Variants in XRCC4 observed in about 807,000 individuals in gnomAD.
XRCC4 encodes the protein X-ray repair cross complementing 4.
In XRCC4, 28 loss-of-function variants were observed where a neutral mutation model predicts 39.1. The ratio of observed to expected loss-of-function variants is 0.72; its 90% CI spans 0.53 to 0.98. XRCC4 has a LOEUF of 0.98. Among genes scored for constraint, XRCC4 ranks in the 50% least tolerant of loss-of-function variants. XRCC4 has a pLI of 0.00. For missense variants in XRCC4, 350 were observed against 376.4 expected, an observed-to-expected ratio of 0.93 and a Z score of 0.58; for synonymous variants, 123 against 126.4, an observed-to-expected ratio of 0.97 and a Z score of 0.18.
chr5:83,149,277 G>A (rs1441774489), intron 3 of XRCC4, among the ~76,000 whole-genome samples: 1 of 152,046 alleles, frequency 6.6e-6, no homozygotes, highest in Non-Finnish European at 1.5e-5. Context: ...TTTTTCTATA[G>A]AGTTACTAAG....
At chr5:83,096,176 C>T (rs74982947) in intron 1 of XRCC4, among the ~76,000 whole-genome samples, 3,299 of 152,054 alleles carry the variant, frequency 0.022, 59 homozygotes, top group Non-Finnish European at 0.035. Flanking sequence ...CCAGGGCTGC[C>T]GGACAGAAGT....
At chr5:83,238,062 C>T (rs1420831967) in intron 6 of XRCC4, among the ~76,000 whole-genome samples, 1 of 152,094 alleles carries the variant, frequency 6.6e-6, no homozygotes, top group African/African-American at 2.4e-5. Context: ...CTGCCTCAAA[C>T]TTCTGGGTTC....
rs1580490573 is a variant in XRCC4 at position 83,306,453 on chromosome 5, G to A, written c.894-46678G>A. Among the ~76,000 whole-genome samples the A allele has an allele frequency of 2.0e-5, 3 of 151,064 alleles. No homozygotes were observed. The South Asian group carries it at 6.2e-4, about 31-fold the overall frequency. ...TTTTCTAGCCACATTTTAAAATAGG[G>A]CAAAACAATAGAAACATTCAACTTA... On this transcript the variant is annotated intron_variant, in intron 7 of 7. Coordinates refer to ENST00000396027, the MANE Select transcript of XRCC4 (RefSeq NM_003401.5).
At chr5:83,265,027 T>A (rs774680960) in intron 7 of XRCC4, among the ~76,000 whole-genome samples, 2 of 152,088 alleles carry the variant, frequency 1.3e-5, no homozygotes, top group Non-Finnish European at 2.9e-5. Flanking sequence ...GAGAAGGAGA[T>A]GAAATTGCAT....
chr5:83,288,596 T>A (rs536053954), intron 7 of XRCC4, among the ~76,000 whole-genome samples: 1 of 151,920 alleles, frequency 6.6e-6, no homozygotes, highest in African/African-American at 2.4e-5. Flanking sequence ...TTCAACAGTT[T>A]AAGTATTTCT....
At chr5:83,315,055 G>C (rs972443841) in intron 7 of XRCC4, among the ~76,000 whole-genome samples, 2 of 152,150 alleles carry the variant, frequency 1.3e-5, no homozygotes, top group Non-Finnish European at 2.9e-5. Flanking sequence ...AGTTGTGAAT[G>C]CAAAGGAAAA....
intron 1 of XRCC4, among the ~76,000 whole-genome samples, chr5:83,099,252 CTT>C (rs1055446320): frequency 2.1e-4 from 32 of 152,282 alleles, no homozygotes; most frequent in African/African-American, 6.7e-4. Context: ...AAGTACAACT[CTT>C]TGGCAGAGCT....
chr5:83,277,740 T>C (rs970695910), intron 7 of XRCC4, among the ~76,000 whole-genome samples: 2 of 152,244 alleles, frequency 1.3e-5, no homozygotes, highest in Non-Finnish European at 2.9e-5. Context: ...GCTACCTTGT[T>C]ACAAATTTAC....
chr5:83,213,931 C>T (rs1751748641), intron 6 of XRCC4, among the ~76,000 whole-genome samples: 1 of 152,156 alleles, frequency 6.6e-6, no homozygotes, highest in Admixed American at 6.6e-5. Flanking sequence ...TAAAGTATTT[C>T]ACAATGATAA....
intron 3 of XRCC4, among the ~76,000 whole-genome samples, chr5:83,121,594 T>G (rs1274803188): frequency 6.6e-6 from 1 of 152,204 alleles, no homozygotes; most frequent in East Asian, 1.9e-4. Flanking sequence ...ATTTGTTTTA[T>G]TTGGGTTGCT....
chr5:83,346,519 G>A (rs1351112043), intron 7 of XRCC4, among the ~76,000 whole-genome samples: 4 of 152,132 alleles, frequency 2.6e-5, no homozygotes, highest in Admixed American at 6.5e-5. Context: ...TGTCATTTAG[G>A]TGTTACCTTC....
chr5:83,307,934 T>C (rs980927816), intron 7 of XRCC4, among the ~76,000 whole-genome samples: 1 of 152,204 alleles, frequency 6.6e-6, no homozygotes, highest in African/African-American at 2.4e-5. Context: ...GATTGAACTT[T>C]ATATTTTCAG....
intron 6 of XRCC4, among the ~76,000 whole-genome samples, chr5:83,239,256 A>G (rs1347358791): frequency 1.3e-5 from 2 of 152,218 alleles, no homozygotes; most frequent in African/African-American, 4.8e-5. Context: ...AATCTAAACA[A>G]TTAGTTGGAG....
At chr5:83,103,417 A>G (rs1176727337) in intron 1 of XRCC4, among the ~76,000 whole-genome samples, 1 of 152,070 alleles carries the variant, frequency 6.6e-6, no homozygotes, top group East Asian at 1.9e-4. Flanking sequence ...TAACATGAAA[A>G]CCATGGAAAA....
At chr5:83,134,233 G>A (rs143173917) in intron 3 of XRCC4, among the ~76,000 whole-genome samples, 127 of 152,268 alleles carry the variant, frequency 8.3e-4, no homozygotes, top group African/African-American at 2.9e-3. Flanking sequence ...GTGCCGCAAA[G>A]TCCCGCGGTG....
At chr5:83,241,862 A>G (rs1179572525) in intron 6 of XRCC4, among the ~76,000 whole-genome samples, 2 of 152,026 alleles carry the variant, frequency 1.3e-5, no homozygotes, top group Non-Finnish European at 2.9e-5. Flanking sequence ...GAGAAAATAT[A>G]TTTACTATTC....
chr5:83,138,900 A>G (rs1380832401), intron 3 of XRCC4, among the ~76,000 whole-genome samples: 2 of 152,130 alleles, frequency 1.3e-5, no homozygotes, highest in South Asian at 2.1e-4. Context: ...GAGGTAATAT[A>G]TATTTTTTAT....
chr5:83,215,723 G>C (rs1053313839), intron 6 of XRCC4, among the ~76,000 whole-genome samples: 1 of 152,182 alleles, frequency 6.6e-6, no homozygotes, highest in Non-Finnish European at 1.5e-5. Flanking sequence ...ATTTAGTGGG[G>C]AAAGGATAGT....
intron 7 of XRCC4, among the ~76,000 whole-genome samples, chr5:83,338,396 A>G (rs903432958): frequency 3.9e-5 from 6 of 152,190 alleles, no homozygotes; most frequent in African/African-American, 1.4e-4. Context: ...GGTTGTTTGA[A>G]TTGGTAAATT....
Sources: gnomAD v4.1 joint callset for allele counts (sites outside exome capture counted in the v4.1 genomes callset) on GRCh38, gnomAD v4.1.1 for gene constraint, MANE v1.5 for transcripts, NCBI Gene and HGNC (gene_info 2026-07-23, HGNC 2026-07-21) for gene names.